WWC2: variants seen among roughly 807,000 people sequenced by gnomAD.
The protein encoded by WWC2 is protein WWC2.
Under a neutral mutation model 138.5 loss-of-function variants are expected in WWC2, and 101 were observed. The observed-to-expected ratio is 0.73, with a 90% CI of 0.62 to 0.86. The LOEUF (loss-of-function observed/expected upper bound fraction) is 0.86. Ranked by LOEUF, WWC2 falls within the 40% of genes least tolerant of loss-of-function variation. The probability of loss-of-function intolerance (pLI) is 0.00; values close to 1 mark genes in which losing one functional copy is unlikely to be tolerated. For synonymous variants in WWC2, 558 were observed against 538.4 expected (o/e 1.04, Z -0.50); for missense variants, 1,420 against 1,419.4 (o/e 1.00, Z -0.01).
intron 1 of WWC2, among the ~76,000 whole-genome samples, chr4:183,121,785 C>CA (rs1281438649): frequency 4.1e-4 from 51 of 124,214 alleles, no homozygotes; most frequent in Non-Finnish European, 8.0e-4. Context: ...TGTTAAGAAG[C>CA]TTTTTTTTTT....
intron 1 of WWC2, among the ~76,000 whole-genome samples, chr4:183,121,818 C>G (rs1213601627): frequency 7.2e-6 from 1 of 139,608 alleles, no homozygotes; most frequent in Non-Finnish European, 1.5e-5. Flanking sequence ...CAGAGTCTTG[C>G]TCTGTTGCCC....
intron 1 of WWC2, among the ~76,000 whole-genome samples, chr4:183,173,063 C>A (rs987067801): frequency 6.6e-6 from 1 of 151,970 alleles, no homozygotes. Context: ...CTCCTCTCCT[C>A]ACCCCACAGG....
chr4:183,236,314 T>C (rs1472168247), intron 4 of WWC2, among the ~76,000 whole-genome samples: 1 of 152,168 alleles, frequency 6.6e-6, no homozygotes, highest in African/African-American at 2.4e-5. Flanking sequence ...AATTGAGCAA[T>C]GAAAGATTCG....
intron 21 of WWC2, among the ~76,000 whole-genome samples, chr4:183,296,547 A>G (rs1276360728): frequency 6.6e-6 from 1 of 152,152 alleles, no homozygotes; most frequent in Non-Finnish European, 1.5e-5. Context: ...GTAGTTGTTC[A>G]GTCACTAAAT....
intron 1 of WWC2, among the ~76,000 whole-genome samples, chr4:183,154,434 A>G (rs1733738385): frequency 6.6e-6 from 1 of 152,178 alleles, no homozygotes; most frequent in Non-Finnish European, 1.5e-5. Flanking sequence ...GAAGGCCATG[A>G]TCCCCAGGGA....
At chr4:183,169,941 A>G (rs1267420833) in intron 1 of WWC2, among the ~76,000 whole-genome samples, 1 of 152,234 alleles carries the variant, frequency 6.6e-6, no homozygotes, top group African/African-American at 2.4e-5. Context: ...TTACCTAAGT[A>G]GAGAAGCTGC....
chr4:183,251,172 T>C (rs1258324063), intron 8 of WWC2, among the ~76,000 whole-genome samples: 1 of 152,218 alleles, frequency 6.6e-6, no homozygotes, highest in Non-Finnish European at 1.5e-5. Context: ...ATGTTTAGGC[T>C]TTATTATCTC....
rs1739602773 is a variant in WWC2, at chr4:183,320,306, A to C, written c.*4577A>C. ...GTGACACTTGTGTTATAACTTATGA[A>C]ACTCAGAAATATTTCTTCATTGTGT... On this transcript the variant is annotated 3_prime_UTR_variant, in exon 23 of 23. Transcript: ENST00000403733. 1.6e-6 allele frequency: 2 copies of C among 1,216,404 alleles called. No homozygotes were observed. The highest frequency in any genetic ancestry group is 2.3e-6 in the Non-Finnish European group (2 of 860,022). The allele number at this position is 1,216,404 out of a possible 1,614,324, so 75.4% of individuals were successfully genotyped here. A position where few individuals can be genotyped will look rare whatever the true frequency, so the allele number is the denominator to read the frequency against.
At chr4:183,279,313 C>A (rs1475448865) in intron 16 of WWC2, among the ~76,000 whole-genome samples, 1 of 151,996 alleles carries the variant, frequency 6.6e-6, no homozygotes. Context: ...GCCTTGCATC[C>A]CAGGGATGAA....
intron 4 of WWC2, among the ~76,000 whole-genome samples, chr4:183,230,462 A>G (rs1196633452): frequency 1.3e-5 from 2 of 152,240 alleles, no homozygotes; most frequent in Non-Finnish European, 2.9e-5. Context: ...GGATCACTTG[A>G]GGTCAGGAGT....
intron 21 of WWC2, among the ~76,000 whole-genome samples, chr4:183,298,037 T>C (rs1738697670): frequency 6.6e-6 from 1 of 152,234 alleles, no homozygotes; most frequent in South Asian, 2.1e-4. Flanking sequence ...GCAGAGTTGA[T>C]GACTGCAAGG....
At chr4:183,284,855 T>C (rs1463975275) in intron 19 of WWC2, among the ~76,000 whole-genome samples, 1 of 152,230 alleles carries the variant, frequency 6.6e-6, no homozygotes, top group African/African-American at 2.4e-5. Context: ...CATCCATAGT[T>C]CTGTGAAGAA....
intron 1 of WWC2, 50 bp from the exon 2 acceptor site, chr4:183,193,549 T>C (rs767173823): frequency 3.1e-5 from 48 of 1,546,856 alleles, no homozygotes; most frequent in South Asian, 2.2e-4. Flanking sequence ...TTTTGACATA[T>C]GCGGTTTGAC....
chr4:183,316,282 T>C lies in WWC2; in HGVS notation c.*553T>C, dbSNP rs1402585225. On this transcript the variant is annotated 3_prime_UTR_variant, in exon 23 of 23. Coordinates refer to ENST00000403733, the MANE Select transcript of WWC2 (RefSeq NM_024949.6). ...CGGCCATCACCTGTGCGGGAACACC[T>C]GGTTTCCTTAAGACAATTTCCTTTT... The C allele has an allele frequency of 6.6e-6, 1 of 152,524 alleles. No individual in the cohort carries two copies. The highest frequency in any genetic ancestry group is 2.4e-5 in the African/African-American group (1 of 41,470). 9.4% of individuals were successfully genotyped at this position (152,524 alleles called of 1,614,324 possible).
rs188159336 is a variant in WWC2, at chr4:183,152,028, C to T, written c.132-41571C>T. On this transcript the variant is annotated intron_variant, in intron 1 of 22. Transcript: ENST00000403733. ...AATTGGGATTTGTTAACCTCAGTGTCGTAACTGAAAGTGGGTGTGGAGAAA... is the reference window on the plus strand; with the variant it reads ...AATTGGGATTTGTTAACCTCAGTGTTGTAACTGAAAGTGGGTGTGGAGAAA... Among the ~76,000 whole-genome samples, 16 of 152,254 alleles carry T rather than the reference C, an allele frequency of 1.1e-4. No homozygotes were observed. The South Asian group carries it at 1.9e-3, about 18-fold the overall frequency.
At position 183,128,356 on chromosome 4, in the gene WWC2, AGAC is replaced by A. The variant is rs1182465833; in HGVS notation, c.131+28735_131+28737del. ...TGTCTCAAAGAAAAAAAAAAGAAGA[AGAC>A]AAAAATTAGCCAGGTGTGGTGGCAC... On this transcript the variant is annotated intron_variant, in intron 1 of 22. Transcript: ENST00000403733. Among the ~76,000 whole-genome samples the A allele has an allele frequency of 3.3e-5, 5 of 151,374 alleles. No individual in the cohort carries two copies. In the East Asian group the frequency reaches 9.7e-4, roughly 29 times the overall value.
intron 11 of WWC2, among the ~76,000 whole-genome samples, chr4:183,263,392 G>A (rs1443226534): frequency 3.9e-5 from 6 of 152,192 alleles, no homozygotes; most frequent in African/African-American, 1.4e-4. Flanking sequence ...TGTCTGGTTG[G>A]CCCATGCCTT....
chr4:183,109,007 G>GT (rs879934988), intron 1 of WWC2, among the ~76,000 whole-genome samples: 243 of 152,036 alleles, frequency 1.6e-3, no homozygotes, highest in Admixed American at 3.4e-3. Flanking sequence ...TAATTTTGTG[G>GT]TTTTTTTTCT....
intron 5 of WWC2, among the ~76,000 whole-genome samples, chr4:183,241,980 A>G (rs1412350953): frequency 6.6e-6 from 1 of 152,196 alleles, no homozygotes; most frequent in East Asian, 1.9e-4. Flanking sequence ...TTTTATAGGA[A>G]TCTAAGGCAT....
Sources: gnomAD v4.1 joint callset for allele counts (sites outside exome capture counted in the v4.1 genomes callset) on GRCh38, gnomAD v4.1.1 for gene constraint, MANE v1.5 for transcripts, NCBI Gene and HGNC (gene_info 2026-07-23, HGNC 2026-07-21) for gene names.